TTYH3: variants seen among roughly 807,000 people sequenced by gnomAD.
The protein encoded by TTYH3 is tweety family member 3, also known as protein tweety homolog 3.
A neutral mutation model predicts 68.2 loss-of-function variants in TTYH3; 23 were observed. The observed-to-expected ratio is 0.34, with a 90% CI of 0.24 to 0.48. The LOEUF (loss-of-function observed/expected upper bound fraction) is 0.48. Among genes scored for constraint, TTYH3 ranks in the 20% least tolerant of loss-of-function variants. TTYH3 has a pLI of 0.99. For missense variants in TTYH3, 768 were observed against 727.7 expected (o/e 1.06, Z -0.64); for synonymous variants, 360 against 332.8 (o/e 1.08, Z -0.89).
At chr7:2,651,913 C>T (rs1027085657) in intron 7 of TTYH3, among the ~76,000 whole-genome samples, 5 of 152,198 alleles carry the variant, frequency 3.3e-5, no homozygotes, top group East Asian at 3.9e-4. Context: ...GACACACATG[C>T]GAAGACATGT....
chr7:2,655,652 C>T (rs1299096842), intron 9 of TTYH3, among the ~76,000 whole-genome samples: 1 of 152,246 alleles, frequency 6.6e-6, no homozygotes, highest in Non-Finnish European at 1.5e-5. Flanking sequence ...CACACGGACA[C>T]ATTACAGGAC....
intron 1 of TTYH3, among the ~76,000 whole-genome samples, chr7:2,642,889 C>G (rs1361725474): frequency 6.7e-6 from 1 of 149,544 alleles, no homozygotes; most frequent in African/African-American, 2.5e-5. Context: ...ATGGTGAAAA[C>G]CCATCTCTAC....
intron 13 of TTYH3, among the ~76,000 whole-genome samples, chr7:2,659,385 G>A (rs1786428565): frequency 6.6e-6 from 1 of 152,200 alleles, no homozygotes; most frequent in Non-Finnish European, 1.5e-5. Context: ...TGTAGGCACG[G>A]CCCTGCACCA....
chr7:2,646,954 C>T lies in TTYH3; in HGVS notation c.225C>T (p.Ser75=), dbSNP rs1293385852. 1.3e-6 allele frequency: 2 copies of T among 1,599,860 alleles called. No individual in the cohort carries two copies. Among genetic ancestry groups the T allele is most frequent in the Non-Finnish European group, 1.7e-6 (2 of 1,177,940 alleles). Residue 75 remains serine, a synonymous_variant, in exon 2 of 14, where the codon AGC becomes AGT. Coordinates refer to ENST00000258796, the MANE Select transcript of TTYH3 (RefSeq NM_025250.3). ...GGCTGTGCTGCCGGCGGCGCAAGAG[C>T]GAGGAGCACCTGGACGCCGACTGCT... ...SFWLCCRRRK[S]EEHLDADCCC... is the part of the protein sequence containing the mutation.
Position 2,647,962 on chromosome 7 carries a change from G to T in TTYH3, c.630G>T (p.Trp210Cys), listed in dbSNP as rs776195399. Residue 210 changes from tryptophan (W) to cysteine (C), a missense_variant, in exon 5 of 14, where the codon TGG (tryptophan) becomes TGT (cysteine). Transcript: ENST00000258796. ...EQVDLYDWYR[W>C]LGYLGLLLLD... ...GCACTCCCAGGTTTGCCTGCAGGTG[G>T]CTGGGCTACCTGGGCCTGCTGCTGC... 6.2e-7 allele frequency: 1 copy of T among 1,607,796 alleles called. No homozygotes were observed. The highest frequency in any genetic ancestry group is 1.7e-5 in the Admixed American group (1 of 60,018).
At chr7:2,649,807 A>G in intron 6 of TTYH3, 106 bp from the exon 7 acceptor site, 2 of 1,453,992 alleles carry the variant, frequency 1.4e-6, no homozygotes, top group Non-Finnish European at 1.9e-6. Flanking sequence ...TTCACAGTCC[A>G]CCCTCCTGAG....
chr7:2,640,621 C>CTG (rs1329415064), intron 1 of TTYH3, among the ~76,000 whole-genome samples: 1 of 152,210 alleles, frequency 6.6e-6, no homozygotes, highest in East Asian at 1.9e-4. Flanking sequence ...GTGGTGTGGC[C>CTG]TGTGCTGGCG....
At chr7:2,658,755 A>G (rs1477388179) in intron 12 of TTYH3, among the ~76,000 whole-genome samples, 185 bp from the exon 13 acceptor site, 1 of 152,142 alleles carries the variant, frequency 6.6e-6, no homozygotes, top group Non-Finnish European at 1.5e-5. Context: ...GGCTGGGCCA[A>G]GGTGGGCAGG....
chr7:2,648,000 T>C lies in TTYH3; in HGVS notation c.668T>C (p.Ile223Thr), dbSNP rs1786048732. Residue 223 changes from isoleucine to threonine, a missense_variant, in exon 5 of 14, where the codon ATC becomes ACC. By Grantham distance (89) the Ile-to-Thr change is moderately conservative (BLOSUM62 -1). Transcript: ENST00000258796. ...YLGLLLLDVI[I>T]CLLVLVGLIR... Reference sequence around the variant, plus strand: ...GGCCTGCTGCTGCTGGACGTCATCATCTGCCTCCTGGTGCTGGTTGGCCTC... The same window carrying C: ...GGCCTGCTGCTGCTGGACGTCATCACCTGCCTCCTGGTGCTGGTTGGCCTC... 1.9e-6 allele frequency: 3 copies of C among 1,611,046 alleles called. No individual in the cohort carries two copies. Among genetic ancestry groups the C allele is most frequent in the Non-Finnish European group, 2.5e-6 (3 of 1,179,892 alleles).
chr7:2,654,072 C>T (rs1164665183), intron 9 of TTYH3, among the ~76,000 whole-genome samples: 1 of 152,094 alleles, frequency 6.6e-6, no homozygotes, highest in Non-Finnish European at 1.5e-5. Context: ...CCAAGGAGCT[C>T]TTCACAAAGA....
intron 5 of TTYH3, chr7:2,648,668 C>G (rs370709511): frequency 6.6e-5 from 10 of 152,576 alleles, no homozygotes; most frequent in African/African-American, 2.4e-4. Flanking sequence ...CACAGAGGAG[C>G]AGAATGAGGG....
intron 9 of TTYH3, among the ~76,000 whole-genome samples, chr7:2,654,954 A>G (rs1410983940): frequency 6.6e-6 from 1 of 151,338 alleles, no homozygotes. Context: ...TCCTCTTCTT[A>G]TAAGGACACC....
intron 1 of TTYH3, among the ~76,000 whole-genome samples, chr7:2,643,007 G>C (rs888427577): frequency 6.6e-6 from 1 of 150,800 alleles, no homozygotes; most frequent in African/African-American, 2.4e-5. Flanking sequence ...AGGTTTCAGT[G>C]AGTCGAGATC....
chr7:2,634,620 C>G (rs969094183), intron 1 of TTYH3, among the ~76,000 whole-genome samples: 8 of 151,930 alleles, frequency 5.3e-5, no homozygotes, highest in Non-Finnish European at 8.8e-5. Flanking sequence ...GCACGGGGGA[C>G]TGGCCTTTGT....
chr7:2,660,422 A>C, intron 13 of TTYH3: 1 of 985,382 alleles, frequency 1.0e-6, no homozygotes, highest in Non-Finnish European at 1.2e-6. Context: ...GGAGGCACCA[A>C]CTGCGTGTCA....
chr7:2,633,432 C>A (rs10950803), intron 1 of TTYH3, among the ~76,000 whole-genome samples: 97,750 of 151,972 alleles, frequency 0.64, 32,574 homozygotes, highest in African/African-American at 0.81. Context: ...CGCTCACTTG[C>A]ACCCAGGCCC....
intron 1 of TTYH3, among the ~76,000 whole-genome samples, chr7:2,642,634 A>G (rs564276068): frequency 6.6e-6 from 1 of 151,748 alleles, no homozygotes; most frequent in East Asian, 1.9e-4. Flanking sequence ...AGGCTGAGGC[A>G]GGAGGATCAC....
intron 11 of TTYH3, among the ~76,000 whole-genome samples, 155 bp downstream of exon 11, chr7:2,656,689 T>A (rs1409973233): frequency 1.3e-5 from 2 of 152,166 alleles, no homozygotes; most frequent in Non-Finnish European, 2.9e-5. Flanking sequence ...CTCTCTAGTG[T>A]CTCTGAGGCT....
At chr7:2,656,040 G>T in intron 9 of TTYH3, 52 bp from the exon 10 acceptor site, 1 of 1,417,442 alleles carries the variant, frequency 7.1e-7, no homozygotes, top group Non-Finnish European at 9.6e-7. Flanking sequence ...AGGCTGGCTC[G>T]AGGTCCCCCG....
Sources: allele counts gnomAD v4.1 joint callset (sites outside exome capture counted in the v4.1 genomes callset), GRCh38; gene constraint gnomAD v4.1.1; transcripts MANE v1.5; gene names NCBI Gene and HGNC (gene_info 2026-07-23, HGNC 2026-07-21).